Variants in DHRS2 observed in about 807,000 individuals in gnomAD.
The protein encoded by DHRS2 is dehydrogenase/reductase SDR family member 2, mitochondrial.
A neutral mutation model predicts 26.3 loss-of-function variants in DHRS2; 29 were observed. The ratio of observed to expected loss-of-function variants is 1.10; its 90% CI spans 0.82 to 1.50. The LOEUF (loss-of-function observed/expected upper bound fraction) is 1.50. Among genes scored for constraint, DHRS2 ranks in the 40% most tolerant of loss-of-function variants. The pLI is 0.00. For missense variants in DHRS2, 439 were observed against 367.1 expected (o/e 1.20, Z -1.60); for synonymous variants, 164 against 151.3 (o/e 1.08, Z -0.62).
chr14:23,641,590 T>G, intron 4 of DHRS2: 6 of 1,287,244 alleles, frequency 4.7e-6, no homozygotes, highest in Non-Finnish European at 6.1e-6. Flanking sequence ...TGGACAGATA[T>G]CCTGTGGGCT....
intron 1 of DHRS2, among the ~76,000 whole-genome samples, chr14:23,631,095 A>T (rs1213993678): frequency 1.3e-5 from 2 of 152,186 alleles, no homozygotes; most frequent in African/African-American, 4.8e-5. Context: ...ATAGGATGTA[A>T]ATTTTCCTCA....
chr14:23,643,944 C>T (rs1164202207), intron 5 of DHRS2, 167 bp from the exon 6 acceptor site: 1 of 683,282 alleles, frequency 1.5e-6, no homozygotes, highest in African/African-American at 1.8e-5. Context: ...CGTGTATTGG[C>T]TGGTACTAAA....
In DHRS2 at chr14:23,639,227, G is replaced by A. The variant is rs776711817; in HGVS notation, c.189G>A (p.Val63=). 8 of 1,613,818 alleles carry A rather than the reference G, an allele frequency of 5.0e-6. No homozygotes were observed. The African/African-American group carries it at 1.1e-4, about 22-fold the overall frequency. ...ARRLARDGAH[V]VISSRKQQNV... ...GTCTGGCCCGGGACGGGGCCCACGT[G>A]GTCATCAGCAGCCGGAAGCAGCAGA... The change falls in exon 3 of 9, where the codon GTG becomes GTA. Residue 63 remains valine, a synonymous_variant. Coordinates refer to ENST00000250383, the MANE Select transcript of DHRS2 (RefSeq NM_005794.4).
upstream of DHRS2, among the ~76,000 whole-genome samples, chr14:23,633,180 C>G (rs551135431): frequency 6.8e-4 from 104 of 152,338 alleles, no homozygotes; most frequent in African/African-American, 2.4e-3. Context: ...GCCAGATCCT[C>G]TCCCTGCCTT....
At position 23,639,852 on chromosome 14, in the gene DHRS2, T is replaced by A; in HGVS notation, c.377T>A (p.Leu126Gln). 6.2e-7 allele frequency: 1 copy of A among 1,610,240 alleles called. No homozygotes were observed. The highest frequency in any genetic ancestry group is 8.5e-7 in the Non-Finnish European group (1 of 1,178,050). The change falls in exon 4 of 9, where the codon CTG becomes CAG. Residue 126 changes from leucine (L) to glutamine (Q), a missense_variant. Coordinates refer to ENST00000250383, the MANE Select transcript of DHRS2 (RefSeq NM_005794.4). ...FLVCSAGVNP[L>Q]VGSTLGTSEQ... ...GTGTGCAGCGCAGGGGTCAACCCTC[T>A]GGTAGGGAGCACTCTGGGGACCAGT...
intron 6 of DHRS2, 85 bp downstream of exon 6, chr14:23,644,247 C>A (rs1478663323): frequency 1.3e-6 from 2 of 1,570,068 alleles, no homozygotes; most frequent in Non-Finnish European, 1.8e-6. Flanking sequence ...AGACAAAGTG[C>A]CTGGGACAGA....
chr14:23,643,140 C>T lies in DHRS2; in HGVS notation c.421-12C>T. 1.2e-6 allele frequency: 2 copies of T among 1,613,954 alleles called. No individual in the cohort carries two copies. The highest frequency in any genetic ancestry group is 2.2e-5 in the East Asian group (1 of 44,874). On this transcript the variant is annotated splice_polypyrimidine_tract_variant and intron_variant, in intron 4 of 8. Transcript: ENST00000250383. ...TCTCTCTGCCCTCACCCATGCTCTGCTCTGATTTCAGATCCTAAGTGTGAA... is the reference window on the plus strand; with the variant it reads ...TCTCTCTGCCCTCACCCATGCTCTGTTCTGATTTCAGATCCTAAGTGTGAA...
intron 5 of DHRS2, 35 bp downstream of exon 5, chr14:23,643,254 T>G (rs771259359): frequency 6.2e-7 from 1 of 1,605,958 alleles, no homozygotes; most frequent in African/African-American, 1.3e-5. Flanking sequence ...CAGTCGGAGT[T>G]GGGGACCTGA....
At chr14:23,631,791 T>TG (rs1411939985), upstream of DHRS2, among the ~76,000 whole-genome samples, 1 of 152,154 alleles carries the variant, frequency 6.6e-6, no homozygotes, top group Non-Finnish European at 1.5e-5. Context: ...CTGACTGTTT[T>TG]GGGGAAAGCA....
upstream of DHRS2, among the ~76,000 whole-genome samples, chr14:23,631,902 G>C (rs529563755): frequency 5.1e-4 from 78 of 152,314 alleles, 1 homozygote; most frequent in Middle Eastern, 6.8e-3. Flanking sequence ...GGAAGCAGGG[G>C]AGACAGAGGA....
At chr14:23,634,895 C>T (rs906342525), upstream of DHRS2, among the ~76,000 whole-genome samples, 1 of 152,038 alleles carries the variant, frequency 6.6e-6, no homozygotes, top group East Asian at 1.9e-4. Context: ...AGCACCTCCC[C>T]CTTTGCTCTC....
intron 4 of DHRS2, chr14:23,641,618 AC>A (rs1424276063): frequency 2.3e-6 from 3 of 1,289,438 alleles, no homozygotes; most frequent in African/African-American, 3.0e-5. Context: ...GTCTGTTTTG[AC>A]CAGGAAACCC....
In DHRS2 at chr14:23,644,173, G is replaced by A; in HGVS notation, c.540+11G>A. 4 of 1,614,090 alleles carry A rather than the reference G, an allele frequency of 2.5e-6. No individual in the cohort carries two copies. Among genetic ancestry groups the A allele is most frequent in the Non-Finnish European group, 3.4e-6 (4 of 1,179,960 alleles). On this transcript the variant is annotated intron_variant, in intron 6 of 8. Coordinates refer to ENST00000250383, the MANE Select transcript of DHRS2 (RefSeq NM_005794.4). ...TATAATCCAGTAGTGGTAAGTGCTTGGTCCTTGTGCTCCTGAGTGGTATAG... is the reference window on the plus strand; with the variant it reads ...TATAATCCAGTAGTGGTAAGTGCTTAGTCCTTGTGCTCCTGAGTGGTATAG...
intron 4 of DHRS2, 29 bp from the exon 5 acceptor site, chr14:23,643,123 C>T: frequency 1.2e-6 from 2 of 1,612,368 alleles, no homozygotes; most frequent in Non-Finnish European, 1.7e-6. Flanking sequence ...TGTCTCTCTG[C>T]CCTCACCCAT....
chr14:23,642,969 G>A, intron 4 of DHRS2, 183 bp from the exon 5 acceptor site: 2 of 616,684 alleles, frequency 3.2e-6, no homozygotes, highest in Non-Finnish European at 5.8e-6. Flanking sequence ...TAGCCTGCCT[G>A]CCTATGAAAC....
In DHRS2 at chr14:23,644,618, G is replaced by T. The variant is rs1890801421; in HGVS notation, c.675+75G>T. ...CTTCCCAGTGAATAAGGGATCAAGG[G>T]GTGACTGAATCCTTAGGTCAGCATG... is the stretch of plus-strand genomic sequence containing the variant. On this transcript the variant is annotated intron_variant, in intron 7 of 8. Transcript: ENST00000250383. 15 of 1,606,072 alleles carry T rather than the reference G, an allele frequency of 9.3e-6. 1 individual carries two copies. In the South Asian group the frequency reaches 1.7e-4, roughly 18 times the overall value.
At position 23,641,542 on chromosome 14, in the gene DHRS2, A is replaced by T. The variant is rs2138386521; in HGVS notation, c.421-1610A>T. On this transcript the variant is annotated intron_variant, in intron 4 of 8. Transcript: ENST00000250383. The stretch of plus-strand genomic sequence containing the variant: ...TGTTCCTGAGTCCAGGAGGGGTCTT[A>T]CCTCAGCCCCTCACTCAGCCTGATG... 2.5e-6 allele frequency: 3 copies of T among 1,216,546 alleles called. No individual in the cohort carries two copies. The East Asian group carries it at 1.7e-4, about 69-fold the overall frequency. The allele number at this position is 1,216,546 out of a possible 1,614,324, so 75.4% of individuals were successfully genotyped here. A position where few individuals can be genotyped will look rare whatever the true frequency, so the allele number is the denominator to read the frequency against.
intron 1 of DHRS2, among the ~76,000 whole-genome samples, chr14:23,630,672 C>G (rs1274373430): frequency 6.6e-6 from 1 of 152,166 alleles, no homozygotes; most frequent in Non-Finnish European, 1.5e-5. Flanking sequence ...GGAATATATT[C>G]CCAAGGTGGT....
chr14:23,640,113 TTTG>T (rs1890578424), intron 4 of DHRS2: 2 of 714,452 alleles, frequency 2.8e-6, no homozygotes, highest in Admixed American at 4.6e-5. Flanking sequence ...CACTTTCTGC[TTTG>T]TTTTCTCTTC....
Sources: gnomAD v4.1 joint callset for allele counts (sites outside exome capture counted in the v4.1 genomes callset) on GRCh38, gnomAD v4.1.1 for gene constraint, MANE v1.5 for transcripts, NCBI Gene and HGNC (gene_info 2026-07-23, HGNC 2026-07-21) for gene names.